The following PXDNL variants were observed in gnomAD, a reference collection of about 807,000 sequenced individuals.
PXDNL encodes peroxidasin like.
Under a neutral mutation model 150.8 loss-of-function variants are expected in PXDNL, and 145 were observed. That is an observed-to-expected ratio of 0.96 (90% CI 0.84 to 1.10). PXDNL has a LOEUF of 1.10. PXDNL is among the 50% of genes least tolerant of loss of function. PXDNL has a pLI of 0.00. For synonymous variants in PXDNL, 757 were observed against 725.7 expected (o/e 1.04, Z -0.69); for missense variants, 2,087 against 1,873.9 (o/e 1.11, Z -2.10).
At chr8:51,793,944 C>T (rs774455441) in intron 1 of PXDNL, among the ~76,000 whole-genome samples, 2 of 151,818 alleles carry the variant, frequency 1.3e-5, no homozygotes, top group Non-Finnish European at 2.9e-5. Flanking sequence ...GAGCTGTTGA[C>T]CAGAATAACC....
intron 13 of PXDNL, 37 bp downstream of exon 13, chr8:51,426,609 G>A: frequency 8.3e-7 from 1 of 1,206,222 alleles, no homozygotes; most frequent in African/African-American, 1.5e-5. Flanking sequence ...ATCTGTCAGT[G>A]TTTTTAATAT....
At chr8:51,798,537 C>T (rs1020323163) in intron 1 of PXDNL, among the ~76,000 whole-genome samples, 1 of 152,178 alleles carries the variant, frequency 6.6e-6, no homozygotes, top group African/African-American at 2.4e-5. Flanking sequence ...CATGAACAGA[C>T]ACTTCTCAAA....
chr8:51,741,473 G>A (rs891627733), intron 1 of PXDNL, among the ~76,000 whole-genome samples: 2 of 151,972 alleles, frequency 1.3e-5, no homozygotes, highest in Non-Finnish European at 2.9e-5. Flanking sequence ...GGACAGACAA[G>A]TTTATTCTAA....
chr8:51,542,078 G>A (rs1167232451), intron 4 of PXDNL, among the ~76,000 whole-genome samples: 1 of 152,040 alleles, frequency 6.6e-6, no homozygotes, highest in East Asian at 1.9e-4. Context: ...AAAGTCTTTT[G>A]TAAAGAACAC....
chr8:51,559,374 A>G (rs975084909), intron 3 of PXDNL, among the ~76,000 whole-genome samples: 2 of 129,184 alleles, frequency 1.5e-5, no homozygotes, highest in African/African-American at 5.4e-5. Context: ...AATTTTATGA[A>G]GTTTATAGGG....
intron 17 of PXDNL, among the ~76,000 whole-genome samples, chr8:51,406,156 C>T (rs114212806): frequency 0.032 from 4,827 of 152,236 alleles, 197 homozygotes; most frequent in African/African-American, 0.094. Flanking sequence ...AGAAACATTC[C>T]GGGTACTCTA....
At chr8:51,777,278 A>G in intron 1 of PXDNL, among the ~76,000 whole-genome samples, 1 of 152,230 alleles carries the variant, frequency 6.6e-6, no homozygotes, top group Non-Finnish European at 1.5e-5. Flanking sequence ...TCCCCAAAGT[A>G]GGAATAACAT....
intron 21 of PXDNL, among the ~76,000 whole-genome samples, chr8:51,338,825 C>T (rs879737293): frequency 6.6e-6 from 1 of 152,054 alleles, no homozygotes; most frequent in Non-Finnish European, 1.5e-5. Flanking sequence ...AAAAGTATAG[C>T]GGGGTGTGGG....
chr8:51,727,392 T>C (rs77989812), intron 1 of PXDNL, among the ~76,000 whole-genome samples: 1 of 152,128 alleles, frequency 6.6e-6, no homozygotes, highest in Non-Finnish European at 1.5e-5. Context: ...ATAACCAACA[T>C]AACAAAAACG....
chr8:51,446,005 G>A (rs1809663746), intron 12 of PXDNL, among the ~76,000 whole-genome samples: 1 of 150,908 alleles, frequency 6.6e-6, no homozygotes, highest in African/African-American at 2.4e-5. Context: ...AAAAAATTTA[G>A]TATGTCTAAA....
At position 51,348,699 on chromosome 8, in the gene PXDNL, C is replaced by T. The variant is rs149363223; in HGVS notation, c.3902-2752G>A. Among the ~76,000 whole-genome samples, 1,251 of 152,218 alleles carry T rather than the reference C, an allele frequency of 8.2e-3. 10 individuals carry two copies. The highest frequency in any genetic ancestry group is 0.015 in the Admixed American group (223 of 15,290). ...ATATATACATACATGTTTTCAAGCTCTGTTCTTAGGCTTTACATGAGTTAT... is the reference window on the plus strand; with the variant it reads ...ATATATACATACATGTTTTCAAGCTTTGTTCTTAGGCTTTACATGAGTTAT... On this transcript the variant is annotated intron_variant, in intron 19 of 22. Transcript: ENST00000356297.
At chr8:51,618,687 A>G (rs552941340) in intron 2 of PXDNL, among the ~76,000 whole-genome samples, 1 of 152,348 alleles carries the variant, frequency 6.6e-6, no homozygotes, top group African/African-American at 2.4e-5. Context: ...AAAGAGAAGC[A>G]GTGAGGAACA....
intron 2 of PXDNL, among the ~76,000 whole-genome samples, chr8:51,610,194 A>C (rs1813970092): frequency 6.6e-6 from 1 of 152,190 alleles, no homozygotes; most frequent in Admixed American, 6.5e-5. Flanking sequence ...CCTTGTGAGA[A>C]GAGACACCCA....
chr8:51,352,301 C>G (rs1806376711), intron 19 of PXDNL, among the ~76,000 whole-genome samples: 1 of 152,142 alleles, frequency 6.6e-6, no homozygotes, highest in Admixed American at 6.5e-5. Flanking sequence ...ATATGTTTAT[C>G]ACAGCTCTAC....
At chr8:51,774,716 G>A (rs1007131306) in intron 1 of PXDNL, among the ~76,000 whole-genome samples, 2 of 152,136 alleles carry the variant, frequency 1.3e-5, no homozygotes, top group African/African-American at 4.8e-5. Context: ...AACTTGGGAG[G>A]CTGAGGCAGG....
intron 1 of PXDNL, among the ~76,000 whole-genome samples, chr8:51,800,865 A>G (rs1381930244): frequency 6.6e-6 from 1 of 152,170 alleles, no homozygotes; most frequent in Non-Finnish European, 1.5e-5. Context: ...GTACAAATTG[A>G]TTATAGAACA....
chr8:51,771,453 G>A (rs536795276), intron 1 of PXDNL, among the ~76,000 whole-genome samples: 6 of 152,256 alleles, frequency 3.9e-5, no homozygotes, highest in East Asian at 1.9e-4. Context: ...CACATGGCCC[G>A]CGGTGACACG....
intron 1 of PXDNL, among the ~76,000 whole-genome samples, chr8:51,679,529 T>C (rs73574283): frequency 0.029 from 4,428 of 152,306 alleles, 217 homozygotes; most frequent in African/African-American, 0.1. Flanking sequence ...ATTAAGCGAC[T>C]GACACATCAT....
intron 4 of PXDNL, among the ~76,000 whole-genome samples, chr8:51,555,737 C>A (rs537320387): frequency 6.4e-4 from 98 of 152,250 alleles, no homozygotes; most frequent in Non-Finnish European, 1.0e-3. Context: ...AGGTTGTCAT[C>A]AATGGGAAAA....
Sources: gnomAD v4.1 joint callset for allele counts (sites outside exome capture counted in the v4.1 genomes callset) on GRCh38, gnomAD v4.1.1 for gene constraint, MANE v1.5 for transcripts, NCBI Gene and HGNC (gene_info 2026-07-23, HGNC 2026-07-21) for gene names.